The following FMN1 variants were observed in gnomAD, a reference collection of about 807,000 sequenced individuals.
The protein encoded by FMN1 is formin 1.
A neutral mutation model predicts 132.4 loss-of-function variants in FMN1; 110 were observed. That is an observed-to-expected ratio of 0.83 (90% CI 0.71 to 0.97). FMN1 has a LOEUF of 0.97. Among genes scored for constraint, FMN1 ranks in the 50% least tolerant of loss-of-function variants. FMN1 has a pLI of 0.00. For synonymous variants in FMN1, 722 were observed against 651.7 expected (o/e 1.11, Z -1.64); for missense variants, 1,792 against 1,705.3 (o/e 1.05, Z -0.90).
chr15:33,036,150 C>T (rs2036182289), intron 6 of FMN1, among the ~76,000 whole-genome samples: 1 of 152,192 alleles, frequency 6.6e-6, no homozygotes, highest in South Asian at 2.1e-4. Flanking sequence ...TTATAAGCGA[C>T]ATACAACAGG....
chr15:32,830,962 C>T (rs1306100683), intron 17 of FMN1, among the ~76,000 whole-genome samples: 1 of 152,124 alleles, frequency 6.6e-6, no homozygotes, highest in African/African-American at 2.4e-5. Flanking sequence ...AAACACCCCC[C>T]ACCACTATAA....
At chr15:33,147,673 G>A (rs111256662) in intron 4 of FMN1, among the ~76,000 whole-genome samples, 4 of 152,220 alleles carry the variant, frequency 2.6e-5, no homozygotes, top group African/African-American at 9.6e-5. Context: ...CATGGTCCTG[G>A]CCTTTAAATC....
intron 4 of FMN1, among the ~76,000 whole-genome samples, chr15:33,099,987 C>T (rs1405764241): frequency 6.6e-6 from 1 of 152,094 alleles, no homozygotes; most frequent in African/African-American, 2.4e-5. Flanking sequence ...CTTTTGCTTC[C>T]TGTCATTGCA....
intron 6 of FMN1, among the ~76,000 whole-genome samples, chr15:33,016,745 G>A (rs1235271819): frequency 6.6e-6 from 1 of 152,188 alleles, no homozygotes; most frequent in African/African-American, 2.4e-5. Flanking sequence ...ACTCCTGACA[G>A]TTTTTAAGCC....
chr15:32,918,803 T>G (rs976032950), intron 10 of FMN1, among the ~76,000 whole-genome samples: 1 of 152,140 alleles, frequency 6.6e-6, no homozygotes, highest in Non-Finnish European at 1.5e-5. Flanking sequence ...TCTCAGCCAG[T>G]TGCCTGAAGG....
intron 10 of FMN1, among the ~76,000 whole-genome samples, chr15:32,918,310 A>G (rs1352072814): frequency 3.3e-5 from 5 of 152,176 alleles, no homozygotes; most frequent in Non-Finnish European, 5.9e-5. Flanking sequence ...AAACAGATAA[A>G]AAAAAAATCA....
chr15:33,124,852 T>G lies in FMN1; in HGVS notation c.1867+28196A>C, dbSNP rs576557173. On this transcript the variant is annotated intron_variant, in intron 4 of 20. Transcript: ENST00000616417. ...AAATGCTTTTCATTTTTCTGCATTT[T>G]TTTTTTTAATTTGGAACGGGAAACA... Among the ~76,000 whole-genome samples, 267 of 152,172 alleles carry G rather than the reference T, an allele frequency of 1.8e-3. 1 individual carries two copies. Among genetic ancestry groups the G allele is most frequent in the African/African-American group, 6.2e-3 (257 of 41,494 alleles).
chr15:33,046,272 T>C (rs1322363549), intron 6 of FMN1, among the ~76,000 whole-genome samples: 1 of 152,106 alleles, frequency 6.6e-6, no homozygotes, highest in Non-Finnish European at 1.5e-5. Context: ...CTTACAGAAA[T>C]GGCAAAATGT....
intron 4 of FMN1, among the ~76,000 whole-genome samples, chr15:33,131,913 C>T (rs758508418): frequency 7.9e-5 from 12 of 152,116 alleles, no homozygotes; most frequent in South Asian, 2.1e-4. Context: ...CTGAATAGCA[C>T]GGATCATTAT....
chr15:32,897,249 C>T lies in FMN1; in HGVS notation c.3714+1585G>A, dbSNP rs551609101. Among the ~76,000 whole-genome samples the T allele has an allele frequency of 9.9e-4, 150 of 152,256 alleles. 2 individuals are homozygous for T. The highest frequency in any genetic ancestry group is 2.1e-3 in the Admixed American group (32 of 15,296). On this transcript the variant is annotated intron_variant, in intron 15 of 20. Coordinates refer to ENST00000616417, the MANE Select transcript of FMN1 (RefSeq NM_001277313.2). ...GAGAAATGTCTATTCAAGCCCATTA[C>T]CCAATTTTTAAAATTGGGTTTTTCT...
intron 6 of FMN1, among the ~76,000 whole-genome samples, chr15:33,055,765 C>A (rs551463261): frequency 7.9e-5 from 12 of 152,144 alleles, no homozygotes; most frequent in Non-Finnish European, 1.3e-4. Context: ...CCAATAAAAC[C>A]AGATTCATTA....
chr15:32,776,687 CTTT>C (rs34593790), intron 20 of FMN1, 145 bp downstream of exon 20: 4,595 of 447,696 alleles, frequency 0.01, no homozygotes, highest in South Asian at 0.015. Context: ...CCCACACATA[CTTT>C]TTTTTTTTTT....
intron 4 of FMN1, among the ~76,000 whole-genome samples, chr15:33,139,210 T>C (rs1963900334): frequency 6.6e-6 from 1 of 152,202 alleles, no homozygotes; most frequent in Admixed American, 6.5e-5. Context: ...CCCCTTGAAT[T>C]CAGGTGCTAA....
chr15:32,996,698 A>G (rs2033790763), intron 7 of FMN1, among the ~76,000 whole-genome samples: 2 of 152,232 alleles, frequency 1.3e-5, no homozygotes, highest in Non-Finnish European at 1.5e-5. Context: ...ATTGCAGTGA[A>G]ATGGTCAAAG....
intron 6 of FMN1, among the ~76,000 whole-genome samples, chr15:33,010,846 A>T (rs2034675374): frequency 6.6e-6 from 1 of 152,086 alleles, no homozygotes; most frequent in Non-Finnish European, 1.5e-5. Flanking sequence ...ACTCAACAGA[A>T]ATATGTAAAG....
rs531931378 is a variant in FMN1 at position 33,163,818 on chromosome 15, A to C, written c.-131-8773T>G. The stretch of plus-strand genomic sequence containing the variant: ...TTTTTGGTAGAGATGGGGTTTCCTC[A>C]TGTTGTCCAGGCTGGTCTCGAACTC... On this transcript the variant is annotated intron_variant, in intron 3 of 20. Transcript: ENST00000616417. 1.7e-4 allele frequency among the ~76,000 whole-genome samples: 25 copies of C among 151,166 alleles called. No homozygotes were observed. In the South Asian group the frequency reaches 4.6e-3, roughly 28 times the overall value.
At chr15:33,079,574 G>C (rs553707342) in intron 5 of FMN1, among the ~76,000 whole-genome samples, 2 of 152,250 alleles carry the variant, frequency 1.3e-5, no homozygotes, top group Admixed American at 6.5e-5. Flanking sequence ...AGTGAGCTGA[G>C]ATCATGCCAC....
intron 4 of FMN1, among the ~76,000 whole-genome samples, chr15:33,128,440 A>G (rs1348827847): frequency 1.3e-5 from 2 of 152,074 alleles, no homozygotes; most frequent in Non-Finnish European, 2.9e-5. Context: ...CTCCTAAAAG[A>G]ATTTTTATTC....
At chr15:32,804,377 T>C (rs754152408) in intron 17 of FMN1, 45 bp from the exon 18 acceptor site, 1 of 1,148,200 alleles carries the variant, frequency 8.7e-7, no homozygotes, top group Non-Finnish European at 1.2e-6. Flanking sequence ...TTCTGTTGTC[T>C]CCTTTGCGTA....
Sources: allele counts gnomAD v4.1 joint callset (sites outside exome capture counted in the v4.1 genomes callset), GRCh38; gene constraint gnomAD v4.1.1; transcripts MANE v1.5; gene names NCBI Gene and HGNC (gene_info 2026-07-23, HGNC 2026-07-21).